Variants in TRPV6 observed in about 807,000 individuals in gnomAD.
TRPV6 encodes transient receptor potential cation channel subfamily V member 6, also known as Alu-binding protein with zinc finger domain.
In TRPV6, 39 loss-of-function variants were observed where a neutral mutation model predicts 79.0. The observed-to-expected ratio is 0.49, with a 90% CI of 0.38 to 0.64. The LOEUF (loss-of-function observed/expected upper bound fraction) is 0.64. Ranked by LOEUF, TRPV6 falls within the 30% of genes least tolerant of loss-of-function variation. The pLI, the probability that TRPV6 is intolerant of heterozygous loss-of-function variation, is 0.00. For missense variants in TRPV6, 813 were observed against 1,011.1 expected (o/e 0.80, Z 2.66); for synonymous variants, 373 against 391.9 (o/e 0.95, Z 0.57).
At chr7:142,877,829 C>T (rs564380145) in intron 2 of TRPV6, 56 bp from the exon 3 acceptor site, 30 of 1,613,126 alleles carry the variant, frequency 1.9e-5, no homozygotes, top group Admixed American at 5.0e-5. Flanking sequence ...GGATTGGAGA[C>T]GATAGATTCA....
chr7:142,877,622 C>T, intron 3 of TRPV6, 29 bp downstream of exon 3: 1 of 1,609,516 alleles, frequency 6.2e-7, no homozygotes, highest in South Asian at 1.1e-5. Flanking sequence ...GTCACTCCTG[C>T]TCTTCACCCC....
At chr7:142,881,446 T>C (rs1795189255) in intron 1 of TRPV6, 1 of 152,116 alleles carries the variant, frequency 6.6e-6, no homozygotes, top group African/African-American at 2.4e-5. Context: ...GAATCAGAAA[T>C]ATCCTATACA....
chr7:142,877,121 C>T (rs1026330216), intron 4 of TRPV6, 21 bp downstream of exon 4: 7 of 1,605,074 alleles, frequency 4.4e-6, no homozygotes, highest in Non-Finnish European at 6.0e-6. Flanking sequence ...GCCCGTCCTC[C>T]AAGCCCAGCC....
In TRPV6 at chr7:142,874,677, G is replaced by T. The variant is rs771493314; in HGVS notation, c.1407-21C>A. 3.7e-6 allele frequency: 6 copies of T among 1,607,920 alleles called. No individual in the cohort carries two copies. In the South Asian group the frequency reaches 4.4e-5, roughly 12 times the overall value. On this transcript the variant is annotated intron_variant, in intron 10 of 14. Transcript: ENST00000359396. ...TGATGCTGGGGGAGCAGGGAGGAGG[G>T]TGATGAGGGGAGGGCTGGGATGATC...
In TRPV6 at chr7:142,874,475, TGGG is replaced by T. The variant is rs751557903; in HGVS notation, c.1572+13_1572+15del. On this transcript the variant is annotated intron_variant, in intron 11 of 14. Transcript: ENST00000359396. ...CTCTGGGGCCTTTCTCTAGGGAGCT[TGGG>T]GGGAGGACTGACCTTCTGAATCATG... 1.2e-5 allele frequency: 20 copies of T among 1,613,630 alleles called. No individual in the cohort carries two copies. Among genetic ancestry groups the T allele is most frequent in the Non-Finnish European group, 1.6e-5 (19 of 1,179,694 alleles).
At chr7:142,880,896 G>C (rs909379242) in intron 1 of TRPV6, 3 of 152,252 alleles carry the variant, frequency 2.0e-5, no homozygotes, top group Non-Finnish European at 2.9e-5. Context: ...TGAGTGTCCT[G>C]CATTTTATCT....
intron 1 of TRPV6, 97 bp from the exon 2 acceptor site, chr7:142,878,123 T>TATAATAATG: frequency 1.0e-6 from 1 of 999,914 alleles, no homozygotes; most frequent in Non-Finnish European, 1.6e-6. Context: ...CACAGATGTG[T>TATAATAATG]GTGCCTCAGC....
chr7:142,876,548 T>G lies in TRPV6; in HGVS notation c.742A>C (p.Asn248His), dbSNP rs749444492. ...TACATCTGGCAGGCAAAGGTTTTGT[T>G]GGGCTGGAGGATGAGGATGTGTAAC... The change falls in exon 6 of 15, where the codon AAC becomes CAC. Residue 248 changes from asparagine to histidine, a missense_variant. Physicochemically the swap from Asn to His is moderately conservative, Grantham distance 68 (BLOSUM62 1). Coordinates refer to ENST00000359396, the MANE Select transcript of TRPV6 (RefSeq NM_018646.6). 3.9e-5 allele frequency: 63 copies of G among 1,613,970 alleles called. 2 individuals carry two copies. In the South Asian group the frequency reaches 6.6e-4, roughly 17 times the overall value.
rs768241241 is a variant in TRPV6, at chr7:142,871,839, G to A, written c.2166C>T (p.Pro722=). The change falls in exon 15 of 15, where the codon CCC becomes CCT. Residue 722 remains proline (P), a synonymous_variant. Transcript: ENST00000359396. ...TGCGGGAGGTACTTCGAGACACTGA[G>A]GGCATAGGAAGGGACAGGTGGGGGC... 24 of 1,614,090 alleles carry A rather than the reference G, an allele frequency of 1.5e-5. No homozygotes were observed. The highest frequency in any genetic ancestry group is 1.9e-5 in the Non-Finnish European group (23 of 1,180,050).
At chr7:142,884,302 G>A (rs1795253719) in intron 1 of TRPV6, 1 of 152,424 alleles carries the variant, frequency 6.6e-6, no homozygotes, top group South Asian at 2.1e-4. Flanking sequence ...TTCAGCAAAA[G>A]AAAACACAGG....
intron 12 of TRPV6, 25 bp downstream of exon 12, chr7:142,874,051 C>T (rs1190368040): frequency 4.3e-6 from 7 of 1,610,550 alleles, no homozygotes; most frequent in East Asian, 2.2e-5. Flanking sequence ...CCTGCCATGG[C>T]CCCTGGTCCT....
In TRPV6 at chr7:142,877,229, G is replaced by T; in HGVS notation, c.520C>A (p.Arg174=). Residue 174 remains arginine, a synonymous_variant, in exon 4 of 15, where the codon CGA becomes AGA. Coordinates refer to ENST00000359396, the MANE Select transcript of TRPV6 (RefSeq NM_018646.6). Reference sequence around the variant, plus strand: ...CTGGCCCTGCGGGCAAGCAGGGCTCGCACCAGGTTCATGTTCTGGTTCACA... The same window carrying T: ...CTGGCCCTGCGGGCAAGCAGGGCTCTCACCAGGTTCATGTTCTGGTTCACA... The T allele has an allele frequency of 6.2e-7, 1 of 1,614,218 alleles. No homozygotes were observed. Among genetic ancestry groups the T allele is most frequent in the Non-Finnish European group, 8.5e-7 (1 of 1,180,028 alleles).
chr7:142,877,009 T>C (rs1795089326), intron 4 of TRPV6, 133 bp downstream of exon 4: 4 of 1,449,802 alleles, frequency 2.8e-6, no homozygotes, highest in Non-Finnish European at 3.7e-6. Context: ...CTAGTCTAAT[T>C]AAGCCCTAGA....
chr7:142,883,455 T>C (rs1274548180), intron 1 of TRPV6: 1 of 152,200 alleles, frequency 6.6e-6, no homozygotes. Flanking sequence ...AAATTCAACT[T>C]CACCATTTAC....
intron 4 of TRPV6, 49 bp from the exon 5 acceptor site, chr7:142,876,886 G>T (rs1371821992): frequency 3.1e-6 from 5 of 1,603,482 alleles, no homozygotes; most frequent in Non-Finnish European, 2.6e-6. Context: ...ATGGCAGGAT[G>T]GGGTGGACAG....
At position 142,873,710 on chromosome 7, in the gene TRPV6, T is replaced by G. The variant is rs750624044; in HGVS notation, c.1646A>C (p.Tyr549Ser). The change falls in exon 13 of 15, where the codon TAT (tyrosine) becomes TCT (serine). Residue 549 changes from tyrosine (Y) to serine (S), a missense_variant. Coordinates refer to ENST00000359396, the MANE Select transcript of TRPV6 (RefSeq NM_018646.6). The surrounding 1 kb of genome is among the most constrained non-coding windows in gnomAD (Gnocchi z 4.8). ...GGGGTCCTCTGTCTGGAAGATGATATAGAAGGCTGCTCCACCCAAGGGGGT... is the reference window on the plus strand; with the variant it reads ...GGGGTCCTCTGTCTGGAAGATGATAGAGAAGGCTGCTCCACCCAAGGGGGT... The G allele has an allele frequency of 1.9e-6, 3 of 1,613,800 alleles. No homozygotes were observed. The African/African-American group carries it at 4.0e-5, about 22-fold the overall frequency.
At position 142,871,608 on chromosome 7, in the gene TRPV6, G is replaced by C; in HGVS notation, c.*99C>G. The C allele has an allele frequency of 7.1e-7, 1 of 1,407,134 alleles. No individual in the cohort carries two copies. The highest frequency in any genetic ancestry group is 9.7e-7 in the Non-Finnish European group (1 of 1,034,750). The allele number at this position is 1,407,134 out of a possible 1,614,324, so 87.2% of individuals were successfully genotyped here. On this transcript the variant is annotated 3_prime_UTR_variant, in exon 15 of 15. Transcript: ENST00000359396. Reference sequence around the variant, plus strand: ...CATGCTACTCCTCTTTCTCCCCTGGGGCCTGGGAGATGAGACCTCTGGGTG... The same window carrying C: ...CATGCTACTCCTCTTTCTCCCCTGGCGCCTGGGAGATGAGACCTCTGGGTG...
At chr7:142,878,807 C>T (rs937552799) in intron 1 of TRPV6, 3 of 152,252 alleles carry the variant, frequency 2.0e-5, no homozygotes, top group Non-Finnish European at 4.4e-5. Context: ...AGCAGCAGCA[C>T]ATGAGCCCTT....
chr7:142,877,134 G>C lies in TRPV6; in HGVS notation c.607+8C>G. The C allele has an allele frequency of 5.0e-6, 8 of 1,613,454 alleles. No individual in the cohort carries two copies. The highest frequency in any genetic ancestry group is 6.8e-6 in the Non-Finnish European group (8 of 1,179,534). Reference sequence around the variant, plus strand: ...CTGCCCGTCCTCCAAGCCCAGCCCTGCTCTCACCAAAGTAGATGAGGTTGC... The same window carrying C: ...CTGCCCGTCCTCCAAGCCCAGCCCTCCTCTCACCAAAGTAGATGAGGTTGC... On this transcript the variant is annotated splice_region_variant and intron_variant, in intron 4 of 14. Coordinates refer to ENST00000359396, the MANE Select transcript of TRPV6 (RefSeq NM_018646.6).
Sources: allele counts gnomAD v4.1 joint callset, GRCh38; gene constraint gnomAD v4.1.1; non-coding constraint Gnocchi (gnomAD v3.1); transcripts MANE v1.5; gene names NCBI Gene and HGNC (gene_info 2026-07-23, HGNC 2026-07-21).